The following ADD3 variants were observed in gnomAD, a reference collection of about 807,000 sequenced individuals.
ADD3 encodes the protein gamma-adducin.
In ADD3, 25 loss-of-function variants were observed where a neutral mutation model predicts 80.2. That is an observed-to-expected ratio of 0.31 (90% confidence interval 0.23 to 0.44). The LOEUF (loss-of-function observed/expected upper bound fraction) is 0.44, where lower values mean the gene tolerates loss of function less well. Ranked by LOEUF, ADD3 falls within the 20% of genes least tolerant of loss-of-function variation. The probability of loss-of-function intolerance (pLI) is 1.00; values close to 1 mark genes in which losing one functional copy is unlikely to be tolerated. For missense variants in ADD3, 829 were observed against 847.5 expected (o/e 0.98, Z 0.27); for synonymous variants, 284 against 289.6 (o/e 0.98, Z 0.20).
intron 13 of ADD3, 113 bp downstream of exon 13, chr10:110,130,599 T>A: frequency 8.3e-7 from 1 of 1,204,218 alleles, no homozygotes; most frequent in Non-Finnish European, 1.2e-6. Context: ...CTCACACCTG[T>A]AATCCCAGCA....
intron 1 of ADD3, among the ~76,000 whole-genome samples, chr10:110,031,964 T>G (rs902398938): frequency 6.6e-6 from 1 of 152,084 alleles, no homozygotes; most frequent in Admixed American, 6.6e-5. Context: ...CAAAGAGATT[T>G]AATCTTATTG....
At chr10:110,099,220 C>T (rs996499595) in intron 1 of ADD3, among the ~76,000 whole-genome samples, 13 of 151,086 alleles carry the variant, frequency 8.6e-5, no homozygotes, top group Non-Finnish European at 1.5e-4. Context: ...TGAGCCACCA[C>T]GCCCAGCTTA....
At chr10:110,015,454 C>T (rs1351663594) in intron 1 of ADD3, among the ~76,000 whole-genome samples, 1 of 151,092 alleles carries the variant, frequency 6.6e-6, no homozygotes, top group Non-Finnish European at 1.5e-5. Context: ...CGGCTCACTG[C>T]AAGCTCCGCC....
upstream of ADD3, among the ~76,000 whole-genome samples, chr10:110,005,180 G>A (rs181036777): frequency 2.6e-5 from 4 of 152,206 alleles, no homozygotes; most frequent in East Asian, 1.9e-4. Context: ...CTCTGCCTCA[G>A]CCTCCTAAGT....
Position 110,060,742 on chromosome 10 carries a change from C to T in ADD3, c.-29-39883C>T, listed in dbSNP as rs529548148. 2.0e-5 allele frequency among the ~76,000 whole-genome samples: 3 copies of T among 152,310 alleles called. No individual in the cohort carries two copies. In the South Asian group the frequency reaches 6.2e-4, roughly 32 times the overall value. Reference sequence around the variant, plus strand: ...ACAAATTCATTTTTTGACATTTGGACAGACAGAACTTGAAGTTTTTCAGTA... The same window carrying T: ...ACAAATTCATTTTTTGACATTTGGATAGACAGAACTTGAAGTTTTTCAGTA... On this transcript the variant is annotated intron_variant, in intron 1 of 14. Transcript: ENST00000356080.
chr10:110,112,692 T>C (rs1850201362), intron 2 of ADD3, 85 bp from the exon 3 acceptor site: 2 of 1,451,588 alleles, frequency 1.4e-6, no homozygotes, highest in Non-Finnish European at 1.9e-6. Context: ...AGAAAAGGGA[T>C]GGGGTAAAGA....
intron 1 of ADD3, among the ~76,000 whole-genome samples, chr10:110,090,116 A>G (rs1847293886): frequency 6.7e-6 from 1 of 149,986 alleles, no homozygotes; most frequent in Non-Finnish European, 1.5e-5. Context: ...GTCGTTAGTG[A>G]CACAGAGGTT....
chr10:110,059,192 C>G (rs1490051141), intron 1 of ADD3, among the ~76,000 whole-genome samples: 1 of 78,106 alleles, frequency 1.3e-5, no homozygotes, highest in Non-Finnish European at 4.6e-5. Flanking sequence ...CCCATACAGG[C>G]CGGGTACAGT....
At chr10:110,020,520 G>GC (rs140352305) in intron 1 of ADD3, among the ~76,000 whole-genome samples, 10,415 of 152,180 alleles carry the variant, frequency 0.068, 479 homozygotes, top group South Asian at 0.15. Context: ...CAAGCCAAAG[G>GC]CCCCGAGGCC....
intron 1 of ADD3, among the ~76,000 whole-genome samples, chr10:110,085,154 C>T (rs1349432943): frequency 2.6e-5 from 4 of 152,102 alleles, no homozygotes; most frequent in Admixed American, 6.5e-5. Context: ...TTGTTCATAT[C>T]AACTAGGCCT....
chr10:110,128,628 A>C (rs1452984417), intron 12 of ADD3, among the ~76,000 whole-genome samples: 1 of 151,880 alleles, frequency 6.6e-6, no homozygotes, highest in African/African-American at 2.4e-5. Flanking sequence ...CGCGTTAGCC[A>C]GGATGGTTTC....
chr10:110,119,423 A>C, intron 7 of ADD3, 43 bp from the exon 8 acceptor site: 1 of 1,613,524 alleles, frequency 6.2e-7, no homozygotes, highest in Non-Finnish European at 8.5e-7. Context: ...AGTGTGAGCT[A>C]TGCCAGTTAT....
chr10:110,052,298 GC>G (rs1390669336), intron 1 of ADD3, among the ~76,000 whole-genome samples: 2 of 152,148 alleles, frequency 1.3e-5, no homozygotes, highest in Non-Finnish European at 2.9e-5. Context: ...ATCTGCTTCA[GC>G]CTAATGGTCC....
chr10:110,125,076 TGGCA>T (rs1217263031), intron 10 of ADD3, among the ~76,000 whole-genome samples: 2 of 152,218 alleles, frequency 1.3e-5, no homozygotes, highest in Admixed American at 6.5e-5. Flanking sequence ...TATAAACTAA[TGGCA>T]TTCAATATGA....
chr10:110,101,149 C>G (rs1848765484), intron 2 of ADD3, among the ~76,000 whole-genome samples: 1 of 152,180 alleles, frequency 6.6e-6, no homozygotes, highest in Non-Finnish European at 1.5e-5. Flanking sequence ...AAAGGCATGA[C>G]TCAAGTCATA....
chr10:110,100,556 C>A, intron 1 of ADD3, 69 bp from the exon 2 acceptor site: 1 of 1,066,642 alleles, frequency 9.4e-7, no homozygotes, highest in Non-Finnish European at 1.3e-6. Flanking sequence ...AAAAGTTCTG[C>A]TTGACCCATG....
intron 1 of ADD3, among the ~76,000 whole-genome samples, chr10:109,997,232 T>A (rs1485480751): frequency 6.6e-6 from 1 of 152,170 alleles, no homozygotes; most frequent in Admixed American, 6.5e-5. Flanking sequence ...GTCTTTGTGT[T>A]ATTACTCAAG....
At chr10:110,021,004 C>T (rs1311453582) in intron 1 of ADD3, among the ~76,000 whole-genome samples, 2 of 147,312 alleles carry the variant, frequency 1.4e-5, no homozygotes, top group Non-Finnish European at 3.0e-5. Flanking sequence ...AATTATAGGC[C>T]GACTATATAA....
chr10:110,096,005 GATGGA>G lies in ADD3; in HGVS notation c.-29-4618_-29-4614del, dbSNP rs1476239411. 6.6e-5 allele frequency among the ~76,000 whole-genome samples: 10 copies of G among 152,286 alleles called. No homozygotes were observed. In the East Asian group the frequency reaches 1.5e-3, roughly 24 times the overall value. ...GGGCAGCATGCGGAGTACTTCTGGT[GATGGA>G]AATAATCTCCTTCTTGACTATATTA... is the stretch of plus-strand genomic sequence containing the variant. On this transcript the variant is annotated intron_variant, in intron 1 of 14. Coordinates refer to ENST00000356080, the MANE Select transcript of ADD3 (RefSeq NM_016824.5).
Sources: allele counts gnomAD v4.1 joint callset (sites outside exome capture counted in the v4.1 genomes callset), GRCh38; gene constraint gnomAD v4.1.1; transcripts MANE v1.5; gene names NCBI Gene and HGNC (gene_info 2026-07-23, HGNC 2026-07-21).